OR1L6: variants seen among roughly 807,000 people sequenced by gnomAD.
The protein encoded by OR1L6 is olfactory receptor 1L6.
Under a neutral mutation model 3.0 loss-of-function variants are expected in OR1L6, and 2 were observed. The observed-to-expected ratio is 0.68, with a 90% CI of 0.28 to 2.13. The LOEUF is 2.13. OR1L6 is among the 30% of genes most tolerant of loss of function. OR1L6 has a pLI of 0.14. For missense variants in OR1L6, 304 were observed against 378.4 expected, an observed-to-expected ratio of 0.80 and a Z score of 1.63; for synonymous variants, 121 against 148.4, an observed-to-expected ratio of 0.82 and a Z score of 1.34.
chr9:122,744,532 A>C (rs1269689326), intron 1 of OR1L6, among the ~76,000 whole-genome samples: 2 of 152,238 alleles, frequency 1.3e-5, no homozygotes, highest in Non-Finnish European at 2.9e-5. Flanking sequence ...AAAGTTTAGA[A>C]GTATAGAAAT....
chr9:122,749,651 T>G (rs1374807338), intron 1 of OR1L6, 184 bp from the exon 2 acceptor site: 2 of 674,898 alleles, frequency 3.0e-6, no homozygotes, highest in African/African-American at 3.6e-5. Context: ...GAGCTTGCAG[T>G]GAGCTGAGAT....
chr9:122,746,237 G>A (rs1828835875), intron 1 of OR1L6, among the ~76,000 whole-genome samples: 1 of 152,042 alleles, frequency 6.6e-6, no homozygotes, highest in Admixed American at 6.5e-5. Context: ...TGCGGGATCT[G>A]GTAAATTACT....
At position 122,750,215 on chromosome 9, in the gene OR1L6, G is replaced by A. The variant is rs200034055; in HGVS notation, c.368G>A (p.Arg123Gln). The A allele has an allele frequency of 4.7e-4, 754 of 1,614,002 alleles. 4 individuals are homozygous for A. The highest frequency in any genetic ancestry group is 3.1e-3 in the Middle Eastern group (19 of 6,062). ...CTGCTGGCCTCTATGGCCATCGACC[G>A]GCTGGTGGCCATCTGCAACCCCTTA... ...SYLLASMAID[R>Q]LVAICNPLHY... The change falls in exon 2 of 2, where the codon CGG (arginine) becomes CAG (glutamine). Residue 123 changes from arginine to glutamine, a missense_variant. By Grantham distance (43) the Arg-to-Gln change is conservative. This residue lies in a region of OR1L6 where 192 missense variants were observed against 242.7 expected (regional missense o/e 0.79). Transcript: ENST00000304720.
At chr9:122,746,429 T>G (rs1226201547) in intron 1 of OR1L6, among the ~76,000 whole-genome samples, 1 of 152,194 alleles carries the variant, frequency 6.6e-6, no homozygotes, top group Non-Finnish European at 1.5e-5. Context: ...AGAGACTGCA[T>G]GACGTTGAGT....
Position 122,749,919 on chromosome 9 carries a change from G to A in OR1L6, c.72G>A (p.Leu24=), listed in dbSNP as rs762916960. Residue 24 remains leucine (L), a synonymous_variant, in exon 2 of 2, where the codon CTG becomes CTA. Coordinates refer to ENST00000304720, the MANE Select transcript of OR1L6 (RefSeq NM_001004453.3). Reference sequence around the variant, plus strand: ...TGGGCCTCTCTTCCAACCCTCAGCTGCAGAAACCTCTCTTTGCCATCTTCC... The same window carrying A: ...TGGGCCTCTCTTCCAACCCTCAGCTACAGAAACCTCTCTTTGCCATCTTCC... ...ILLGLSSNPQ[L]QKPLFAIFLI... The A allele has an allele frequency of 1.2e-6, 2 of 1,613,970 alleles. No individual in the cohort carries two copies. The highest frequency in any genetic ancestry group is 1.7e-6 in the Non-Finnish European group (2 of 1,180,022).
rs745819710 is a variant in OR1L6 at position 122,750,211 on chromosome 9, G to A, written c.364G>A (p.Asp122Asn). Reference sequence around the variant, plus strand: ...CTACCTGCTGGCCTCTATGGCCATCGACCGGCTGGTGGCCATCTGCAACCC... The same window carrying A: ...CTACCTGCTGGCCTCTATGGCCATCAACCGGCTGGTGGCCATCTGCAACCC... ...DSYLLASMAIDRLVAICNPLH... is the reference protein window; with the variant it reads ...DSYLLASMAINRLVAICNPLH... The change falls in exon 2 of 2, where the codon GAC becomes AAC. Residue 122 changes from aspartate to asparagine, a missense_variant. Asp to Asn is a conservative substitution (Grantham distance 23). Around this residue, in one of 3 missense-constraint regions of OR1L6, gnomAD observed 192 missense variants for 242.7 expected, o/e 0.79. Coordinates refer to ENST00000304720, the MANE Select transcript of OR1L6 (RefSeq NM_001004453.3). 41 of 1,613,898 alleles carry A rather than the reference G, an allele frequency of 2.5e-5. No homozygotes were observed. The East Asian group carries it at 6.0e-4, about 24-fold the overall frequency.
Position 122,750,071 on chromosome 9 carries a change from C to T in OR1L6, c.224C>T (p.Thr75Ile). ...SNLSFMDICF[T>I]TVIVPKMLVN... ...TTGTCTTTCATGGATATCTGCTTCA[C>T]AACAGTCATAGTGCCTAAGATGCTG... is the stretch of plus-strand genomic sequence containing the variant. The change falls in exon 2 of 2, where the codon ACA (threonine) becomes ATA (isoleucine). Residue 75 changes from threonine to isoleucine, a missense_variant. Coordinates refer to ENST00000304720, the MANE Select transcript of OR1L6 (RefSeq NM_001004453.3). 1 of 1,614,160 alleles carries T rather than the reference C, an allele frequency of 6.2e-7. No individual in the cohort carries two copies. Among genetic ancestry groups the T allele is most frequent in the Non-Finnish European group, 8.5e-7 (1 of 1,180,034 alleles).
rs146861537 is a variant in OR1L6, at chr9:122,743,049, ACT to A, written c.-14+681_-14+682del. ...TAAAACCTCATGACATCTGAGCAAA[ACT>A]CTCTGAGAATCCACAGCCCCTTCCT... On this transcript the variant is annotated intron_variant, in intron 1 of 1. Transcript: ENST00000304720. Among the ~76,000 whole-genome samples the A allele has an allele frequency of 3.3e-5, 5 of 152,096 alleles. No individual in the cohort carries two copies. In the East Asian group the frequency reaches 9.7e-4, roughly 29 times the overall value.
intron 1 of OR1L6, among the ~76,000 whole-genome samples, chr9:122,747,933 C>T (rs1039208179): frequency 6.6e-6 from 1 of 151,970 alleles, no homozygotes; most frequent in African/African-American, 2.4e-5. Context: ...CTGCTCTTTT[C>T]ATGATATTGG....
intron 1 of OR1L6, among the ~76,000 whole-genome samples, chr9:122,748,306 G>A (rs548762972): frequency 2.2e-4 from 34 of 152,026 alleles, no homozygotes; most frequent in South Asian, 4.2e-4. Flanking sequence ...CTATGAGCAG[G>A]AGAGGACCCT....
chr9:122,745,546 G>A (rs1329510533), intron 1 of OR1L6, among the ~76,000 whole-genome samples: 4 of 150,606 alleles, frequency 2.7e-5, no homozygotes, highest in African/African-American at 9.8e-5. Context: ...CCGAGTAGCT[G>A]GGACTGCAGG....
At chr9:122,747,569 T>C (rs1226636241) in intron 1 of OR1L6, among the ~76,000 whole-genome samples, 1 of 152,086 alleles carries the variant, frequency 6.6e-6, no homozygotes, top group Non-Finnish European at 1.5e-5. Context: ...TCTGTTTATT[T>C]AGATCTTCAT....
intron 1 of OR1L6, among the ~76,000 whole-genome samples, chr9:122,746,554 C>T (rs1218222555): frequency 6.6e-6 from 1 of 152,146 alleles, no homozygotes; most frequent in African/African-American, 2.4e-5. Context: ...TTGTAAGCAA[C>T]ATCACAATAA....
At chr9:122,746,490 C>G (rs371025932) in intron 1 of OR1L6, among the ~76,000 whole-genome samples, 1 of 152,112 alleles carries the variant, frequency 6.6e-6, no homozygotes, top group Non-Finnish European at 1.5e-5. Flanking sequence ...TGTGAATACT[C>G]TGTTTCCTCT....
chr9:122,744,282 T>C (rs1022905559), intron 1 of OR1L6, among the ~76,000 whole-genome samples: 7 of 152,104 alleles, frequency 4.6e-5, no homozygotes, highest in African/African-American at 1.7e-4. Context: ...GCATCCCAAT[T>C]TGGGAAGTGC....
At chr9:122,746,432 C>T (rs180751743) in intron 1 of OR1L6, among the ~76,000 whole-genome samples, 257 of 152,176 alleles carry the variant, frequency 1.7e-3, no homozygotes, top group African/African-American at 5.8e-3. Context: ...GACTGCATGA[C>T]GTTGAGTAAT....
In OR1L6 at chr9:122,750,689, T is replaced by A; in HGVS notation, c.842T>A (p.Val281Glu). The A allele has an allele frequency of 1.2e-6, 2 of 1,613,890 alleles. No individual in the cohort carries two copies. The highest frequency in any genetic ancestry group is 1.7e-6 in the Non-Finnish European group (2 of 1,180,012). Residue 281 changes from valine to glutamate, a missense_variant, in exon 2 of 2, where the codon GTA becomes GAA. By Grantham distance (121) the Val-to-Glu change is moderately radical. Around this residue, in one of 3 missense-constraint regions of OR1L6, gnomAD observed 91 missense variants for 87.8 expected, o/e 1.04. Coordinates refer to ENST00000304720, the MANE Select transcript of OR1L6 (RefSeq NM_001004453.3). ...RDRVATVMYTVVTPMLNPFIY... is the reference protein window; with the variant it reads ...RDRVATVMYTEVTPMLNPFIY... ...CGGGTAGCCACAGTTATGTACACAG[T>A]AGTGACACCCATGCTGAACCCTTTC...
At chr9:122,749,712 A>C (rs184509332) in intron 1 of OR1L6, 123 bp from the exon 2 acceptor site, 1 of 911,592 alleles carries the variant, frequency 1.1e-6, no homozygotes, top group Non-Finnish European at 1.7e-6. Flanking sequence ...CGTCTCAAAG[A>C]AAAAAAAAAC....
intron 1 of OR1L6, among the ~76,000 whole-genome samples, chr9:122,743,592 C>T (rs1828808822): frequency 6.6e-6 from 1 of 152,134 alleles, no homozygotes; most frequent in African/African-American, 2.4e-5. Context: ...AGAGAAAAGA[C>T]AGTAAGCAAG....
Sources: gnomAD v4.1 joint callset for allele counts (sites outside exome capture counted in the v4.1 genomes callset) on GRCh38, gnomAD v4.1.1 for gene constraint, gnomAD v4.1.1 regional missense constraint, MANE v1.5 for transcripts, NCBI Gene and HGNC (gene_info 2026-07-23, HGNC 2026-07-21) for gene names.